Variants in VPS13C observed in about 807,000 individuals in gnomAD.
The protein encoded by VPS13C is vacuolar protein sorting 13 homolog C.
VPS13C carries 358 observed loss-of-function variants against 456.8 expected under a neutral mutation model. The observed-to-expected ratio is 0.78, with a 90% confidence interval of 0.72 to 0.86. The LOEUF is 0.86. Among genes scored for constraint, VPS13C ranks in the 40% least tolerant of loss-of-function variants. The pLI, the probability that VPS13C is intolerant of heterozygous loss-of-function variation, is 0.00. For missense variants in VPS13C, 4,818 were observed against 4,385.4 expected, an observed-to-expected ratio of 1.10 and a Z score of -2.79; for synonymous variants, 1,578 against 1,486.7, an observed-to-expected ratio of 1.06 and a Z score of -1.41.
At chr15:61,989,968 T>C (rs886235239) in intron 18 of VPS13C, among the ~76,000 whole-genome samples, 2 of 152,162 alleles carry the variant, frequency 1.3e-5, no homozygotes, top group Non-Finnish European at 2.9e-5. Context: ...GCATTATTCA[T>C]GATAAACAAG....
In VPS13C at chr15:61,987,348, G is replaced by A. The variant is rs373103282; in HGVS notation, c.1579-2349C>T. Among the ~76,000 whole-genome samples, 70 of 152,240 alleles carry A rather than the reference G, an allele frequency of 4.6e-4. No homozygotes were observed. In the East Asian group the frequency reaches 0.011, roughly 24 times the overall value. ...ACTGGATAATTTATCAAAGTAAGAG[G>A]TTTAATGGACCCACAGTTCCACACG... is the stretch of plus-strand genomic sequence containing the variant. On this transcript the variant is annotated intron_variant, in intron 18 of 84. Coordinates refer to ENST00000644861, the MANE Select transcript of VPS13C (RefSeq NM_020821.3).
chr15:61,918,585 A>ATGAGATC (rs1286579012), intron 58 of VPS13C, among the ~76,000 whole-genome samples: 1 of 152,044 alleles, frequency 6.6e-6, no homozygotes, highest in East Asian at 1.9e-4. Flanking sequence ...TCAATGTATC[A>ATGAGATC]TGTATAACAA....
rs1334809949 is a variant in VPS13C at position 61,920,166 on chromosome 15, G to A, written c.7378C>T (p.Gln2460Ter). 4 of 1,613,380 alleles carry A rather than the reference G, an allele frequency of 2.5e-6. No individual in the cohort carries two copies. Among genetic ancestry groups the A allele is most frequent in the Non-Finnish European group, 3.4e-6 (4 of 1,179,640 alleles). The change falls in exon 57 of 85, where the codon CAG (glutamine) becomes TAG (stop). Residue 2460 changes from glutamine to a stop codon, truncating the protein, a stop_gained. Coordinates refer to ENST00000644861, the MANE Select transcript of VPS13C (RefSeq NM_020821.3). LOFTEE classifies it high-confidence loss of function. The part of the protein sequence containing the change: ...KSDIFDVDAG[Q>*]NLELEYASMV... Reference sequence around the variant, plus strand: ...CTGGCATACTCCAGTTCCAAATTCTGGCCAGCATCAACATCAAAAATATCA... The same window carrying A: ...CTGGCATACTCCAGTTCCAAATTCTAGCCAGCATCAACATCAAAAATATCA...
At chr15:62,000,505 G>C in intron 16 of VPS13C, 59 bp downstream of exon 16, 1 of 1,473,208 alleles carries the variant, frequency 6.8e-7, no homozygotes, top group Non-Finnish European at 9.3e-7. Context: ...CTTGATCCTA[G>C]GTTTAAAAGC....
chr15:61,871,189 A>G (rs1266517233), intron 79 of VPS13C, among the ~76,000 whole-genome samples: 1 of 152,126 alleles, frequency 6.6e-6, no homozygotes, highest in Non-Finnish European at 1.5e-5. Flanking sequence ...CAAAGTCATG[A>G]AGATTGACTC....
chr15:61,875,776 C>A lies in VPS13C; in HGVS notation c.10294G>T (p.Gly3432Cys). The change falls in exon 76 of 85, where the codon GGT becomes TGT. Residue 3432 changes from glycine (G) to cysteine (C), a missense_variant. Coordinates refer to ENST00000644861, the MANE Select transcript of VPS13C (RefSeq NM_020821.3). ...VLGNPFGLIRGLSEGVEALFY... is the reference protein window; with the variant it reads ...VLGNPFGLIRCLSEGVEALFY... ...AAAGCTTCAACTCCTTCAGACAGACCTCTAATTAATCCAAATGGGTTTCCA... is the reference window on the plus strand; with the variant it reads ...AAAGCTTCAACTCCTTCAGACAGACATCTAATTAATCCAAATGGGTTTCCA... 6.2e-7 allele frequency: 1 copy of A among 1,609,916 alleles called. No homozygotes were observed. Among genetic ancestry groups the A allele is most frequent in the Non-Finnish European group, 8.5e-7 (1 of 1,178,356 alleles).
In VPS13C at chr15:62,023,785, G is replaced by A. The variant is rs1165388126; in HGVS notation, c.509C>T (p.Ser170Leu). ...ATAAAACTACTTTTACCTACCTTTTGAACGATCAAGACCTTTAAAAGGTTT... is the reference window on the plus strand; with the variant it reads ...ATAAAACTACTTTTACCTACCTTTTAAACGATCAAGACCTTTAAAAGGTTT... ...FKKPFKGLDRSKDKPKEAKKD... is the reference protein window; with the variant it reads ...FKKPFKGLDRLKDKPKEAKKD... The change falls in exon 7 of 85, where the codon TCA becomes TTA. Residue 170 changes from serine (S) to leucine (L), a missense_variant. Coordinates refer to ENST00000644861, the MANE Select transcript of VPS13C (RefSeq NM_020821.3). 1 of 1,609,728 alleles carries A rather than the reference G, an allele frequency of 6.2e-7. No individual in the cohort carries two copies. Among genetic ancestry groups the A allele is most frequent in the South Asian group, 1.1e-5 (1 of 90,608 alleles).
At chr15:61,977,349 T>G (rs2045734962) in intron 23 of VPS13C, 150 bp from the exon 24 acceptor site, 1 of 515,502 alleles carries the variant, frequency 1.9e-6, no homozygotes, top group South Asian at 4.2e-5. Context: ...GATTACCAAT[T>G]TTCACTTCTT....
chr15:62,054,571 G>A (rs1291716011), intron 1 of VPS13C, among the ~76,000 whole-genome samples: 2 of 152,082 alleles, frequency 1.3e-5, no homozygotes, highest in Admixed American at 1.3e-4. Context: ...GGGCCTGTCA[G>A]GAGGTGGGAG....
In VPS13C at chr15:61,874,923, G is replaced by A; in HGVS notation, c.10367C>T (p.Ala3456Val). Residue 3456 changes from alanine to valine, a missense_variant, in exon 77 of 85, where the codon GCA (alanine) becomes GTA (valine). Coordinates refer to ENST00000644861, the MANE Select transcript of VPS13C (RefSeq NM_020821.3). ...QGAVQGPEEF[A>V]EGLVIGVRSL... Reference sequence around the variant, plus strand: ...TCTCACTCCAATCACTAACCCCTCTGCAAATTCTTCAGGGCCTTGAACAGC... The same window carrying A: ...TCTCACTCCAATCACTAACCCCTCTACAAATTCTTCAGGGCCTTGAACAGC... 6.3e-7 allele frequency: 1 copy of A among 1,589,106 alleles called. No homozygotes were observed. The highest frequency in any genetic ancestry group is 8.6e-7 in the Non-Finnish European group (1 of 1,169,512).
chr15:61,884,364 A>G lies in VPS13C; in HGVS notation c.9342-95T>C, dbSNP rs990859513. ...AGATTATTGTAACTATTATTTTCCT[A>G]TGAAAATTACATTGGTATAAGGGAC... On this transcript the variant is annotated intron_variant, in intron 67 of 84. Transcript: ENST00000644861. 4.5e-6 allele frequency: 6 copies of G among 1,332,186 alleles called. No individual in the cohort carries two copies. In the African/African-American group the frequency reaches 6.0e-5, roughly 13 times the overall value. 82.5% of individuals were successfully genotyped at this position (1,332,186 alleles called of 1,614,324 possible). A position where few individuals can be genotyped will look rare whatever the true frequency, so the allele number is the denominator to read the frequency against.
rs761345131 is a variant in VPS13C at position 61,853,165 on chromosome 15, A to C, written c.*1292T>G. The C allele has an allele frequency of 3.9e-5, 6 of 152,198 alleles. No homozygotes were observed. Among genetic ancestry groups the C allele is most frequent in the Non-Finnish European group, 7.4e-5 (5 of 68,008 alleles). 9.4% of individuals were successfully genotyped at this position (152,198 alleles called of 1,614,324 possible). On this transcript the variant is annotated 3_prime_UTR_variant, in exon 85 of 85. Transcript: ENST00000644861. ...CTCACAGGGCCTGCTCCCTCACAGA[A>C]CACAGTGTCATTATATATGCCTTAT...
chr15:61,907,071 T>G, intron 66 of VPS13C, 193 bp downstream of exon 66: 2 of 612,560 alleles, frequency 3.3e-6, no homozygotes, highest in Non-Finnish European at 5.4e-6. Context: ...GTAAATAAAT[T>G]ACTTTGATAG....
chr15:61,858,747 G>A lies in VPS13C; in HGVS notation c.10953-2338C>T, dbSNP rs1231531329. Among the ~76,000 whole-genome samples the A allele has an allele frequency of 2.0e-5, 3 of 152,208 alleles. No individual in the cohort carries two copies. The highest frequency in any genetic ancestry group is 7.2e-5 in the African/African-American group (3 of 41,454). On this transcript the variant is annotated intron_variant, in intron 82 of 84. Coordinates refer to ENST00000644861, the MANE Select transcript of VPS13C (RefSeq NM_020821.3). The surrounding 1 kb of genome is among the most constrained non-coding windows in gnomAD (Gnocchi z 4.4). ...GCACCCTTGTTGGGTTGGAATAAGGGTAGCTTCTAGGAGCTAAGAGCAGCT... is the reference window on the plus strand; with the variant it reads ...GCACCCTTGTTGGGTTGGAATAAGGATAGCTTCTAGGAGCTAAGAGCAGCT...
At position 61,854,575 on chromosome 15, in the gene VPS13C, T is replaced by C. The variant is rs771080553; in HGVS notation, c.11161-17A>G. ...ACATGCTCTCTGTAAAGTAAAATAC[T>C]TATTATGAATTTTAAAGACAAGTAT... is the stretch of plus-strand genomic sequence containing the variant. On this transcript the variant is annotated splice_polypyrimidine_tract_variant and intron_variant, in intron 84 of 84. Coordinates refer to ENST00000644861, the MANE Select transcript of VPS13C (RefSeq NM_020821.3). 2 of 1,608,860 alleles carry C rather than the reference T, an allele frequency of 1.2e-6. No homozygotes were observed. Among genetic ancestry groups the C allele is most frequent in the Non-Finnish European group, 1.7e-6 (2 of 1,175,474 alleles).
At chr15:62,041,637 G>T (rs914980122) in intron 2 of VPS13C, among the ~76,000 whole-genome samples, 2 of 152,042 alleles carry the variant, frequency 1.3e-5, no homozygotes, top group South Asian at 4.2e-4. Context: ...GGTCAACATG[G>T]TGAAATCCAG....
chr15:61,978,909 T>C (rs1301234289), intron 22 of VPS13C, among the ~76,000 whole-genome samples, 160 bp from the exon 23 acceptor site: 4 of 152,224 alleles, frequency 2.6e-5, no homozygotes, highest in Non-Finnish European at 4.4e-5. Context: ...CAGATAATTA[T>C]TTGTAAACAA....
In VPS13C at chr15:61,920,048, GA is replaced by G. The variant is rs763551543; in HGVS notation, c.7477+18del. On this transcript the variant is annotated intron_variant, in intron 57 of 84. Coordinates refer to ENST00000644861, the MANE Select transcript of VPS13C (RefSeq NM_020821.3). Reference sequence around the variant, plus strand: ...CAACAACTGCTAAGATACCCTTAAGGAAAACAAATATAGCCTACCAATGGTC... The same window carrying G: ...CAACAACTGCTAAGATACCCTTAAGGAAACAAATATAGCCTACCAATGGTC... 4.6e-5 allele frequency: 72 copies of G among 1,554,402 alleles called. No individual in the cohort carries two copies. Among genetic ancestry groups the G allele is most frequent in the Non-Finnish European group, 5.2e-5 (60 of 1,145,008 alleles).
intron 78 of VPS13C, 86 bp downstream of exon 78, chr15:61,873,160 A>G (rs1426346636): frequency 3.2e-6 from 5 of 1,569,156 alleles, no homozygotes; most frequent in Non-Finnish European, 4.3e-6. Context: ...CTAGACTCAT[A>G]AGCAGCATTC....
Sources: allele counts gnomAD v4.1 joint callset (sites outside exome capture counted in the v4.1 genomes callset), GRCh38; gene constraint gnomAD v4.1.1; non-coding constraint Gnocchi (gnomAD v3.1); transcripts MANE v1.5; gene names NCBI Gene and HGNC (gene_info 2026-07-23, HGNC 2026-07-21).